The following TDRD3 variants were observed in gnomAD, a reference collection of about 807,000 sequenced individuals.
TDRD3 encodes the protein tudor domain-containing protein 3.
In TDRD3, 45 loss-of-function variants were observed where a neutral mutation model predicts 86.7. The ratio of observed to expected loss-of-function variants is 0.52; its 90% CI spans 0.41 to 0.67. The LOEUF (loss-of-function observed/expected upper bound fraction) is 0.67, where lower values mean the gene tolerates loss of function less well. TDRD3 is among the 30% of genes least tolerant of loss of function. The pLI is 0.00. For missense variants in TDRD3, 814 were observed against 889.0 expected, an observed-to-expected ratio of 0.92 and a Z score of 1.07; for synonymous variants, 298 against 301.7, an observed-to-expected ratio of 0.99 and a Z score of 0.13.
chr13:60,510,844 C>G (rs1188632234), intron 10 of TDRD3, 89 bp downstream of exon 10: 3 of 1,243,418 alleles, frequency 2.4e-6, no homozygotes, highest in Admixed American at 3.1e-5. Context: ...AAAGACCAAA[C>G]TTTATTTAGA....
chr13:60,555,852 C>CTTTTTT (rs35001150), intron 12 of TDRD3, among the ~76,000 whole-genome samples: 1 of 140,498 alleles, frequency 7.1e-6, no homozygotes, highest in Non-Finnish European at 1.5e-5. Flanking sequence ...CTATTTCTTT[C>CTTTTTT]TTTTTTTTTT....
At chr13:60,468,873 G>A (rs557259439) in intron 5 of TDRD3, among the ~76,000 whole-genome samples, 2 of 152,200 alleles carry the variant, frequency 1.3e-5, no homozygotes, top group South Asian at 2.1e-4. Context: ...ATTACTCCTC[G>A]AGCTGAAATG....
intron 1 of TDRD3, among the ~76,000 whole-genome samples, chr13:60,400,518 GGTGGTCAGGA>G (rs1954065130): frequency 6.6e-6 from 1 of 152,042 alleles, no homozygotes; most frequent in Non-Finnish European, 1.5e-5. Flanking sequence ...GGCTAAGGCG[GGTGGTCAGGA>G]GTTGGAGACC....
intron 3 of TDRD3, among the ~76,000 whole-genome samples, chr13:60,458,539 C>G (rs1594957209): frequency 6.6e-6 from 1 of 152,060 alleles, no homozygotes; most frequent in South Asian, 2.1e-4. Flanking sequence ...ATTTTTTTGA[C>G]TACTAAACAT....
chr13:60,509,947 T>C (rs369171180), intron 9 of TDRD3, 28 bp downstream of exon 9: 17 of 1,602,000 alleles, frequency 1.1e-5, no homozygotes, highest in African/African-American at 6.7e-5. Flanking sequence ...GTGTGCCAGA[T>C]AGTATTGTTT....
chr13:60,544,797 A>T (rs2137867787), intron 12 of TDRD3, among the ~76,000 whole-genome samples: 1 of 152,306 alleles, frequency 6.6e-6, no homozygotes, highest in Middle Eastern at 3.4e-3. Flanking sequence ...CACTTGAGAG[A>T]TTTCAAAGTG....
intron 5 of TDRD3, among the ~76,000 whole-genome samples, chr13:60,470,279 T>G (rs887205305): frequency 6.6e-6 from 1 of 152,222 alleles, no homozygotes; most frequent in African/African-American, 2.4e-5. Context: ...TATCCATCAA[T>G]GGACATTAGG....
chr13:60,468,061 A>G (rs534487559), intron 5 of TDRD3, among the ~76,000 whole-genome samples: 3 of 152,120 alleles, frequency 2.0e-5, no homozygotes, highest in Admixed American at 2.0e-4. Context: ...TCCATCTTCT[A>G]ATTTATTTTA....
Position 60,444,711 on chromosome 13 carries a change from T to C in TDRD3, c.155T>C (p.Phe52Ser), listed in dbSNP as rs752388593. The part of the protein sequence containing the change: ...NTDLRTIGKK[F>S]LPSDINSGKV... ...GATCTGAGAACAATTGGCAAGAAAT[T>C]CCTCCCCAGTGACATCAATAGTGGA... is the stretch of plus-strand genomic sequence containing the variant. Residue 52 changes from phenylalanine to serine, a missense_variant, in exon 3 of 14, where the codon TTC (phenylalanine) becomes TCC (serine). Coordinates refer to ENST00000377881, the MANE Select transcript of TDRD3 (RefSeq NM_001146070.2). The C allele has an allele frequency of 2.7e-4, 395 of 1,480,742 alleles. No homozygotes were observed. Among genetic ancestry groups the C allele is most frequent in the Admixed American group, 5.7e-4 (26 of 45,320 alleles). The allele number at this position is 1,480,742 out of a possible 1,614,324, so 91.7% of individuals were successfully genotyped here.
In TDRD3 at chr13:60,483,799, A is replaced by G. The variant is rs1343277006; in HGVS notation, c.520A>G (p.Asn174Asp). Residue 174 changes from asparagine (N) to aspartate (D), a missense_variant, in exon 6 of 14, where the codon AAT becomes GAT. Asn to Asp is a conservative substitution (Grantham distance 23, BLOSUM62 1). Coordinates refer to ENST00000377881, the MANE Select transcript of TDRD3 (RefSeq NM_001146070.2). ...QRSLSKHNRS[N>D]IGTEGGPPPF... ...GAGCTTATCAAAACACAATAGAAGC[A>G]ATATTGGAACTGAAGGTGGACCACC... 2.5e-6 allele frequency: 4 copies of G among 1,613,244 alleles called. No individual in the cohort carries two copies. Among genetic ancestry groups the G allele is most frequent in the Non-Finnish European group, 3.4e-6 (4 of 1,179,530 alleles).
At chr13:60,507,254 G>A (rs905374027) in intron 8 of TDRD3, among the ~76,000 whole-genome samples, 1 of 152,142 alleles carries the variant, frequency 6.6e-6, no homozygotes, top group Non-Finnish European at 1.5e-5. Context: ...AATAGTGGGA[G>A]ACTTTAACAC....
At chr13:60,451,857 G>A (rs1174707337) in intron 3 of TDRD3, among the ~76,000 whole-genome samples, 1 of 152,036 alleles carries the variant, frequency 6.6e-6, no homozygotes, top group African/African-American at 2.4e-5. Context: ...ACAGATTTTA[G>A]AATCAAATGA....
chr13:60,546,171 C>A (rs893887851), intron 12 of TDRD3, among the ~76,000 whole-genome samples: 6 of 151,954 alleles, frequency 3.9e-5, no homozygotes, highest in Non-Finnish European at 8.8e-5. Context: ...TTGTACTTGG[C>A]CATACTGGTG....
chr13:60,461,965 T>A (rs1955812914), intron 4 of TDRD3, among the ~76,000 whole-genome samples: 1 of 152,166 alleles, frequency 6.6e-6, no homozygotes, highest in African/African-American at 2.4e-5. Flanking sequence ...ATGTGGTAGG[T>A]TGAGGCCTTG....
intron 12 of TDRD3, among the ~76,000 whole-genome samples, chr13:60,539,902 G>A (rs1957773415): frequency 6.6e-6 from 1 of 151,928 alleles, no homozygotes; most frequent in African/African-American, 2.4e-5. Context: ...TATAAAATTA[G>A]GCTCCATCTA....
intron 3 of TDRD3, among the ~76,000 whole-genome samples, chr13:60,450,702 T>A (rs1955516438): frequency 6.6e-6 from 1 of 152,298 alleles, no homozygotes; most frequent in South Asian, 2.1e-4. Context: ...GAGATCAAGA[T>A]AGCCTCTGTC....
intron 4 of TDRD3, among the ~76,000 whole-genome samples, chr13:60,464,279 G>A (rs1955865271): frequency 6.6e-6 from 1 of 152,142 alleles, no homozygotes; most frequent in Admixed American, 6.6e-5. Flanking sequence ...TGCAGAGAAA[G>A]GGGAATGCTC....
intron 5 of TDRD3, among the ~76,000 whole-genome samples, chr13:60,481,854 T>C (rs573548945): frequency 1.3e-5 from 2 of 152,318 alleles, no homozygotes; most frequent in South Asian, 4.1e-4. Context: ...GCTATTTTCC[T>C]TTAATGAGTA....
intron 7 of TDRD3, among the ~76,000 whole-genome samples, chr13:60,492,090 A>C (rs1278930565): frequency 6.6e-6 from 1 of 152,168 alleles, no homozygotes; most frequent in Non-Finnish European, 1.5e-5. Context: ...TATTTATATG[A>C]GTGAGTAGTA....
Sources: gnomAD v4.1 joint callset for allele counts (sites outside exome capture counted in the v4.1 genomes callset) on GRCh38, gnomAD v4.1.1 for gene constraint, MANE v1.5 for transcripts, NCBI Gene and HGNC (gene_info 2026-07-23, HGNC 2026-07-21) for gene names.